KIF20B: variants seen among roughly 807,000 people sequenced by gnomAD.
KIF20B encodes kinesin family member 20B.
A neutral mutation model predicts 232.5 loss-of-function variants in KIF20B; 188 were observed. The ratio of observed to expected loss-of-function variants is 0.81; its 90% CI spans 0.72 to 0.91. KIF20B has a LOEUF of 0.91. KIF20B is among the 40% of genes least tolerant of loss of function. The pLI is 0.00. For missense variants in KIF20B, 2,154 were observed against 2,055.9 expected (o/e 1.05, Z -0.92); for synonymous variants, 712 against 683.0 (o/e 1.04, Z -0.66).
intron 2 of KIF20B, 29 bp from the exon 3 acceptor site, chr10:89,709,136 AAC>A: frequency 6.7e-7 from 1 of 1,496,110 alleles, no homozygotes; most frequent in African/African-American, 1.4e-5. Context: ...ATCTTTCAAA[AAC>A]ACAATGTTTT....
chr10:89,771,058 T>G (rs757849392), intron 31 of KIF20B, among the ~76,000 whole-genome samples: 7 of 152,032 alleles, frequency 4.6e-5, no homozygotes, highest in Non-Finnish European at 1.0e-4. Context: ...ATTGATTTCT[T>G]TTGCTTTTTC....
At chr10:89,724,942 T>G in intron 14 of KIF20B, 78 bp from the exon 15 acceptor site, 4 of 1,408,310 alleles carry the variant, frequency 2.8e-6, no homozygotes, top group Non-Finnish European at 3.9e-6. Context: ...TAGAATATAC[T>G]TAAACTTAGA....
rs1841899963 is a variant in KIF20B at position 89,745,921 on chromosome 10, T to C, written c.4058T>C (p.Val1353Ala). The change falls in exon 23 of 33, where the codon GTG becomes GCG. Residue 1353 changes from valine (V) to alanine (A), a missense_variant. Physicochemically the swap from Val to Ala is moderately conservative, Grantham distance 64. Coordinates refer to ENST00000371728, the MANE Select transcript of KIF20B (RefSeq NM_001284259.2). ...QLKEQLNNQK[V>A]EEAIQQYERA... is the part of the protein sequence containing the mutation. ...TAGGAGCAGTTAAATAATCAGAAAG[T>C]GGAAGAAGCTATACAACAGTATGAG... 1.2e-6 allele frequency: 2 copies of C among 1,610,034 alleles called. No homozygotes were observed. Among genetic ancestry groups the C allele is most frequent in the Non-Finnish European group, 1.7e-6 (2 of 1,176,338 alleles).
intron 29 of KIF20B, among the ~76,000 whole-genome samples, chr10:89,764,113 T>C (rs998718929): frequency 3.5e-5 from 5 of 142,984 alleles, no homozygotes; most frequent in Non-Finnish European, 7.5e-5. Context: ...GTTCCCATTG[T>C]TCAATTCCCA....
At chr10:89,702,719 GC>G (rs1372978411) in intron 1 of KIF20B, among the ~76,000 whole-genome samples, 3 of 150,646 alleles carry the variant, frequency 2.0e-5, no homozygotes, top group Non-Finnish European at 2.9e-5. Flanking sequence ...CTTGGAGCCT[GC>G]TGTCACGAAA....
At chr10:89,705,218 C>T (rs1052532430) in intron 1 of KIF20B, 76 bp from the exon 2 acceptor site, 8 of 1,297,152 alleles carry the variant, frequency 6.2e-6, no homozygotes, top group African/African-American at 1.5e-5. Context: ...AAGTAGTGGG[C>T]TAGACTTTTG....
intron 6 of KIF20B, among the ~76,000 whole-genome samples, 156 bp downstream of exon 6, chr10:89,711,301 C>T (rs1386304164): frequency 6.6e-6 from 1 of 152,092 alleles, no homozygotes; most frequent in Non-Finnish European, 1.5e-5. Context: ...AGTGTGAAGA[C>T]ATCTTTTGTA....
intron 26 of KIF20B, among the ~76,000 whole-genome samples, chr10:89,757,040 GTA>G (rs34325599): frequency 0.055 from 6,127 of 110,540 alleles, 186 homozygotes; most frequent in Middle Eastern, 0.077. Context: ...GTGTGTGTGT[GTA>G]TATATATATA....
rs778469833 is a variant in KIF20B, at chr10:89,719,429, C to G, written c.1445C>G (p.Pro482Arg). Residue 482 changes from proline (P) to arginine (R), a missense_variant, in exon 13 of 33, where the codon CCA (proline) becomes CGA (arginine). Coordinates refer to ENST00000371728, the MANE Select transcript of KIF20B (RefSeq NM_001284259.2). ...FSAIAQKVCV[P>R]DTLNSSQEKL... is the part of the protein sequence containing the mutation. The stretch of plus-strand genomic sequence containing the variant: ...TGAATATTTTAACAGGTTTGTGTCC[C>G]AGACACTTTAAATTCCTCTCAAGAG... 8 of 1,578,416 alleles carry G rather than the reference C, an allele frequency of 5.1e-6. No homozygotes were observed. Among genetic ancestry groups the G allele is most frequent in the Non-Finnish European group, 6.0e-6 (7 of 1,165,142 alleles).
chr10:89,757,494 A>G (rs183335087), intron 26 of KIF20B, among the ~76,000 whole-genome samples: 1 of 152,122 alleles, frequency 6.6e-6, no homozygotes, highest in Admixed American at 6.5e-5. Context: ...TAGATATGGT[A>G]GATATTACAA....
At chr10:89,738,674 G>A in intron 20 of KIF20B, 57 bp downstream of exon 20, 2 of 1,482,604 alleles carry the variant, frequency 1.3e-6, no homozygotes, top group South Asian at 2.9e-5. Context: ...ATTTTGCTAT[G>A]CAGCTTTAAA....
intron 14 of KIF20B, 61 bp downstream of exon 14, chr10:89,724,164 T>C: frequency 7.2e-7 from 1 of 1,391,248 alleles, no homozygotes; most frequent in Non-Finnish European, 9.4e-7. Context: ...TTTTAGTTTT[T>C]TTTTTTACTT....
rs115052864 is a variant in KIF20B, at chr10:89,719,531, A to G, written c.1547A>G (p.Lys516Arg). The change falls in exon 13 of 33, where the codon AAA becomes AGA. Residue 516 changes from lysine to arginine, a missense_variant. Transcript: ENST00000371728. ...SNSNSKILNV[K>R]RATISWENSL... ...TCAAACAGTAAAATATTAAATGTAA[A>G]AAGAGCCACCATTTCATGGGAAAAT... 852 of 1,612,986 alleles carry G rather than the reference A, an allele frequency of 5.3e-4. 6 individuals are homozygous for G. In the African/African-American group the frequency reaches 0.01, roughly 19 times the overall value.
chr10:89,721,607 C>T (rs1843059072), intron 13 of KIF20B, among the ~76,000 whole-genome samples: 1 of 151,986 alleles, frequency 6.6e-6, no homozygotes, highest in Non-Finnish European at 1.5e-5. Flanking sequence ...GATTTCTAGG[C>T]AGCAGTGAGC....
chr10:89,707,225 A>G (rs535132677), intron 2 of KIF20B, among the ~76,000 whole-genome samples: 2 of 152,250 alleles, frequency 1.3e-5, no homozygotes, highest in South Asian at 2.1e-4. Context: ...ACGCAGTTTG[A>G]TAAGTTTTGA....
intron 21 of KIF20B, among the ~76,000 whole-genome samples, chr10:89,740,735 A>G (rs1002741636): frequency 6.6e-6 from 1 of 152,124 alleles, no homozygotes; most frequent in Non-Finnish European, 1.5e-5. Context: ...ATCATAGCTC[A>G]CTGTAACTTT....
rs535839967 is a variant in KIF20B, at chr10:89,725,201, G to A, written c.2001+43G>A. The A allele has an allele frequency of 1.4e-5, 22 of 1,586,518 alleles. No individual in the cohort carries two copies. In the East Asian group the frequency reaches 4.3e-4, roughly 31 times the overall value. On this transcript the variant is annotated intron_variant, in intron 15 of 32. Transcript: ENST00000371728. ...TTTAAAAATATCCAGTGAGGTTTTG[G>A]TACCAGGGTTTAGTGTACCACATCA...
At chr10:89,712,261 T>C (rs1028296989) in intron 6 of KIF20B, among the ~76,000 whole-genome samples, 10 of 152,114 alleles carry the variant, frequency 6.6e-5, no homozygotes, top group African/African-American at 1.7e-4. Context: ...TCTTCCTTTT[T>C]TTAGTTTTTA....
rs145729177 is a variant in KIF20B, at chr10:89,770,966, C to T, written c.5243-1723C>T. Among the ~76,000 whole-genome samples the T allele has an allele frequency of 3.0e-3, 463 of 152,172 alleles. 3 individuals carry two copies. Among genetic ancestry groups the T allele is most frequent in the African/African-American group, 0.01 (433 of 41,548 alleles). Reference sequence around the variant, plus strand: ...CTCCAATCTATCTCTTATTATTCTACGGTTTGATAACTAGCCAGCTTCAAT... The same window carrying T: ...CTCCAATCTATCTCTTATTATTCTATGGTTTGATAACTAGCCAGCTTCAAT... On this transcript the variant is annotated intron_variant, in intron 31 of 32. Transcript: ENST00000371728.
Sources: allele counts gnomAD v4.1 joint callset (sites outside exome capture counted in the v4.1 genomes callset), GRCh38; gene constraint gnomAD v4.1.1; transcripts MANE v1.5; gene names NCBI Gene and HGNC (gene_info 2026-07-23, HGNC 2026-07-21).